TRIM55: variants seen among roughly 807,000 people sequenced by gnomAD.
TRIM55 encodes the protein tripartite motif-containing protein 55.
Under a neutral mutation model 60.9 loss-of-function variants are expected in TRIM55, and 50 were observed. That is an observed-to-expected ratio of 0.82 (90% CI 0.65 to 1.04). The LOEUF is 1.04. Among genes scored for constraint, TRIM55 ranks in the 50% least tolerant of loss-of-function variants. The pLI is 0.00. For missense variants in TRIM55, 681 were observed against 666.9 expected (o/e 1.02, Z -0.23); for synonymous variants, 237 against 238.1 (o/e 1.00, Z 0.04).
At position 66,128,320 on chromosome 8, in the gene TRIM55, T is replaced by C; in HGVS notation, c.185T>C (p.Leu62Ser). Residue 62 changes from leucine (L) to serine (S), a missense_variant, in exon 2 of 10, where the codon TTG (leucine) becomes TCG (serine). Physicochemically the swap from Leu to Ser is moderately radical, Grantham distance 145. Coordinates refer to ENST00000315962, the MANE Select transcript of TRIM55 (RefSeq NM_184085.2). ...CAAGAACAGGCCTCTAACCCGTATT[T>C]GCCCACAAGAGGAGGTACCACCATG... ...SDIFQASNPY[L>S]PTRGGTTMAS... 6.2e-7 allele frequency: 1 copy of C among 1,608,160 alleles called. No individual in the cohort carries two copies. Among genetic ancestry groups the C allele is most frequent in the Non-Finnish European group, 8.5e-7 (1 of 1,177,660 alleles).
At chr8:66,174,348 A>ATATTGTTATTATAATAATAATTGT in intron 9 of TRIM55, 123 bp from the exon 10 acceptor site, 1 of 727,362 alleles carries the variant, frequency 1.4e-6, no homozygotes, top group South Asian at 2.6e-5. Context: ...CCATATAATA[A>ATATTGTTATTATAATAATAATTGT]TATTGTTATT....
chr8:66,150,931 G>A (rs1401433416), intron 7 of TRIM55, among the ~76,000 whole-genome samples: 2 of 152,208 alleles, frequency 1.3e-5, no homozygotes, highest in African/African-American at 4.8e-5. Flanking sequence ...CTCCCAAAGT[G>A]CTGGGATTAC....
chr8:66,142,871 C>T (rs1809897691), intron 4 of TRIM55, among the ~76,000 whole-genome samples: 1 of 152,208 alleles, frequency 6.6e-6, no homozygotes, highest in Non-Finnish European at 1.5e-5. Flanking sequence ...ACTCATGGGA[C>T]TTCTCCAAGT....
At chr8:66,124,200 C>T (rs1808735968), upstream of TRIM55, among the ~76,000 whole-genome samples, 3 of 152,206 alleles carry the variant, frequency 2.0e-5, no homozygotes, top group Admixed American at 1.3e-4. Flanking sequence ...GGACTATTGG[C>T]AACAGCCTCT....
intron 8 of TRIM55, 128 bp downstream of exon 8, chr8:66,152,755 C>A: frequency 7.8e-7 from 1 of 1,276,610 alleles, no homozygotes; most frequent in Non-Finnish European, 1.0e-6. Context: ...ATATGGTAGA[C>A]GAAAGATTTC....
the TRIM55 span, among the ~76,000 whole-genome samples, chr8:66,114,219 C>G: frequency 1.3e-5 from 2 of 152,050 alleles, no homozygotes; most frequent in Admixed American, 6.5e-5. Flanking sequence ...AGAGCGCTCG[C>G]TTAGCATGCG....
At chr8:66,152,743 G>A (rs559597549) in intron 8 of TRIM55, 116 bp downstream of exon 8, 18 of 1,352,792 alleles carry the variant, frequency 1.3e-5, no homozygotes, top group African/African-American at 4.4e-5. Flanking sequence ...CCAGACATTC[G>A]TATATGGTAG....
chr8:66,127,548 C>G, intron 1 of TRIM55, 112 bp downstream of exon 1: 1 of 1,347,808 alleles, frequency 7.4e-7, no homozygotes. Flanking sequence ...ATAAGGTTGC[C>G]GGGCGCTTTG....
intron 2 of TRIM55, among the ~76,000 whole-genome samples, chr8:66,134,068 C>T (rs929237065): frequency 6.6e-6 from 1 of 152,176 alleles, no homozygotes; most frequent in Non-Finnish European, 1.5e-5. Context: ...CTATTCCATT[C>T]TATTTTTATT....
At chr8:66,142,865 A>T (rs2128977474) in intron 4 of TRIM55, among the ~76,000 whole-genome samples, 1 of 152,334 alleles carries the variant, frequency 6.6e-6, no homozygotes, top group Non-Finnish European at 1.5e-5. Context: ...GTCTGTACTC[A>T]TGGGACTTCT....
chr8:66,169,548 G>A (rs1210551095), intron 9 of TRIM55, among the ~76,000 whole-genome samples: 1 of 152,188 alleles, frequency 6.6e-6, no homozygotes, highest in Non-Finnish European at 1.5e-5. Flanking sequence ...GTAAGATTGT[G>A]TGCCTTTAGG....
rs1433211383 is a variant in TRIM55 at position 66,128,409 on chromosome 8, G to T, written c.274G>T (p.Val92Leu). 6.2e-6 allele frequency: 10 copies of T among 1,613,808 alleles called. No homozygotes were observed. The highest frequency in any genetic ancestry group is 1.6e-4 in the Middle Eastern group (1 of 6,084). ...RHEVVLDRHGVYGLQRNLLVE... is the reference protein window; with the variant it reads ...RHEVVLDRHGLYGLQRNLLVE... ...TGAAGTGGTTTTGGATAGACATGGG[G>T]TATATGGACTTCAGAGGAACCTGCT... is the stretch of plus-strand genomic sequence containing the variant. Residue 92 changes from valine (V) to leucine (L), a missense_variant, in exon 2 of 10, where the codon GTA becomes TTA. By Grantham distance (32) the Val-to-Leu change is conservative. Coordinates refer to ENST00000315962, the MANE Select transcript of TRIM55 (RefSeq NM_184085.2).
the TRIM55 span, among the ~76,000 whole-genome samples, chr8:66,114,020 T>C: frequency 6.7e-6 from 1 of 148,924 alleles, no homozygotes. Context: ...AGCGGAGGAC[T>C]GTAGGCGCGC....
At position 66,149,704 on chromosome 8, in the gene TRIM55, T is replaced by G. The variant is rs1810299358; in HGVS notation, c.663T>G (p.Ile221Met). The G allele has an allele frequency of 6.2e-7, 1 of 1,614,192 alleles. No homozygotes were observed. The highest frequency in any genetic ancestry group is 8.5e-7 in the Non-Finnish European group (1 of 1,180,018). The change falls in exon 5 of 10, where the codon ATT becomes ATG. Residue 221 changes from isoleucine to methionine, a missense_variant. Coordinates refer to ENST00000315962, the MANE Select transcript of TRIM55 (RefSeq NM_184085.2). The stretch of plus-strand genomic sequence containing the variant: ...AGAAGTTTGATTACCTGTATGGCAT[T>G]TTGGAGGAGAGGAAGAATGAAATGA... Reference protein sequence around the residue: ...LCEKFDYLYGILEERKNEMTQ... With the variant: ...LCEKFDYLYGMLEERKNEMTQ...
intron 9 of TRIM55, chr8:66,155,681 A>G: frequency 2.5e-6 from 4 of 1,612,886 alleles, no homozygotes; most frequent in Non-Finnish European, 3.4e-6. Flanking sequence ...ATCTGGAGTC[A>G]GATTCAGTGC....
chr8:66,173,949 C>G (rs188952335), intron 9 of TRIM55, among the ~76,000 whole-genome samples: 194 of 151,996 alleles, frequency 1.3e-3, no homozygotes, highest in African/African-American at 4.1e-3. Context: ...AAAATTAAGC[C>G]TGTAGTTTTG....
chr8:66,132,172 C>T (rs1158231416), intron 2 of TRIM55, among the ~76,000 whole-genome samples: 1 of 152,112 alleles, frequency 6.6e-6, no homozygotes, highest in African/African-American at 2.4e-5. Flanking sequence ...TCAGTTTGGG[C>T]AGGCACAGTG....
At chr8:66,164,909 G>C (rs1235754678) in intron 9 of TRIM55, among the ~76,000 whole-genome samples, 1 of 150,842 alleles carries the variant, frequency 6.6e-6, no homozygotes. Context: ...AAATGGAAGG[G>C]AAAGGAAAAA....
chr8:66,174,189 A>G (rs1301220732), intron 9 of TRIM55, among the ~76,000 whole-genome samples: 1 of 151,428 alleles, frequency 6.6e-6, no homozygotes, highest in African/African-American at 2.4e-5. Context: ...AAAAAACTAG[A>G]ATAGCCTGAA....
Sources: allele counts gnomAD v4.1 joint callset (sites outside exome capture counted in the v4.1 genomes callset), GRCh38; gene constraint gnomAD v4.1.1; transcripts MANE v1.5; gene names NCBI Gene and HGNC (gene_info 2026-07-23, HGNC 2026-07-21).